The following LHFPL3 variants were observed in gnomAD, a reference collection of about 807,000 sequenced individuals.
LHFPL3 encodes the protein LHFPL tetraspan subfamily member 3 protein.
Under a neutral mutation model 19.3 loss-of-function variants are expected in LHFPL3, and 5 were observed. The ratio of observed to expected loss-of-function variants is 0.26; its 90% CI spans 0.14 to 0.54. LHFPL3 has a LOEUF of 0.54. Among genes scored for constraint, LHFPL3 ranks in the 20% least tolerant of loss-of-function variants. The pLI is 0.94. For missense variants in LHFPL3, 249 were observed against 307.4 expected, an observed-to-expected ratio of 0.81 and a Z score of 1.42; for synonymous variants, 133 against 126.2, an observed-to-expected ratio of 1.05 and a Z score of -0.36.
intron 2 of LHFPL3, among the ~76,000 whole-genome samples, chr7:104,888,328 G>A (rs1792187379): frequency 6.6e-6 from 1 of 152,034 alleles, no homozygotes; most frequent in South Asian, 2.1e-4. Flanking sequence ...CCAGGAGTTT[G>A]GAAACCAGCC....
intron 1 of LHFPL3, among the ~76,000 whole-genome samples, chr7:104,711,033 T>C (rs1484664470): frequency 1.3e-5 from 2 of 152,204 alleles, no homozygotes; most frequent in Non-Finnish European, 2.9e-5. Context: ...TTTAGAGCTA[T>C]GAAGTTTGAA....
intron 2 of LHFPL3, among the ~76,000 whole-genome samples, chr7:104,882,270 T>G (rs1439579748): frequency 6.6e-6 from 1 of 152,162 alleles, no homozygotes; most frequent in Non-Finnish European, 1.5e-5. Context: ...TATTTAGAGA[T>G]GGAGTCTCAC....
chr7:104,626,476 G>A (rs1244631534), intron 1 of LHFPL3, among the ~76,000 whole-genome samples: 1 of 152,100 alleles, frequency 6.6e-6, no homozygotes, highest in Non-Finnish European at 1.5e-5. Flanking sequence ...TAGCAACCTG[G>A]AGTCTCCAAT....
chr7:104,848,851 C>CTAGT (rs1440517562), intron 2 of LHFPL3, among the ~76,000 whole-genome samples: 11 of 151,960 alleles, frequency 7.2e-5, no homozygotes, highest in African/African-American at 2.7e-4. Flanking sequence ...AGCTGGCTTC[C>CTAGT]TAGTTAGCCA....
chr7:104,633,177 T>G lies in LHFPL3; in HGVS notation c.446-103498T>G, dbSNP rs191229986. 5.0e-3 allele frequency among the ~76,000 whole-genome samples: 756 copies of G among 152,348 alleles called. 19 individuals carry two copies. Among genetic ancestry groups the G allele is most frequent in the Admixed American group, 0.042 (640 of 15,302 alleles). On this transcript the variant is annotated intron_variant, in intron 1 of 2. Transcript: ENST00000424859. The stretch of plus-strand genomic sequence containing the variant: ...GGCTAAGGCTTCTATTTTCGTCATC[T>G]GCAAGTTATTCAGTTTCTCAATGTC...
At chr7:104,800,054 G>C (rs1206004560) in intron 2 of LHFPL3, 1 of 152,556 alleles carries the variant, frequency 6.6e-6, no homozygotes, top group Non-Finnish European at 1.5e-5. Flanking sequence ...TTGGTCCTTT[G>C]GTGCTGAAAT....
At chr7:104,623,451 G>A (rs1165298227) in intron 1 of LHFPL3, among the ~76,000 whole-genome samples, 2 of 139,556 alleles carry the variant, frequency 1.4e-5, no homozygotes, top group Non-Finnish European at 3.2e-5. Context: ...CCAACATGGC[G>A]AAACCCTGTC....
chr7:104,346,325 T>A (rs933180334), intron 1 of LHFPL3, among the ~76,000 whole-genome samples: 2 of 151,664 alleles, frequency 1.3e-5, no homozygotes, highest in East Asian at 3.9e-4. Flanking sequence ...TTAAGTGTTC[T>A]AGTTATCAGG....
At chr7:104,589,453 T>G (rs1274080394) in intron 1 of LHFPL3, among the ~76,000 whole-genome samples, 1 of 152,166 alleles carries the variant, frequency 6.6e-6, no homozygotes, top group African/African-American at 2.4e-5. Context: ...TGCATCCCAG[T>G]GATGAAACCA....
At chr7:104,681,621 C>CAA (rs57083271) in intron 1 of LHFPL3, among the ~76,000 whole-genome samples, 60 of 144,012 alleles carry the variant, frequency 4.2e-4, no homozygotes, top group East Asian at 6.0e-4. Flanking sequence ...GACTAAGGCT[C>CAA]AAAAAAAAAA....
At chr7:104,448,839 A>C (rs1792379181) in intron 1 of LHFPL3, among the ~76,000 whole-genome samples, 1 of 152,188 alleles carries the variant, frequency 6.6e-6, no homozygotes, top group Non-Finnish European at 1.5e-5. Context: ...AAAAATGTTT[A>C]CTTGATCATT....
At chr7:104,673,938 C>T (rs1792536003) in intron 1 of LHFPL3, among the ~76,000 whole-genome samples, 2 of 152,048 alleles carry the variant, frequency 1.3e-5, no homozygotes, top group African/African-American at 4.8e-5. Context: ...ACTGCTTGAC[C>T]CATTTAAGAA....
intron 2 of LHFPL3, among the ~76,000 whole-genome samples, chr7:104,886,974 G>C (rs1792161976): frequency 6.6e-6 from 1 of 152,184 alleles, no homozygotes; most frequent in Non-Finnish European, 1.5e-5. Flanking sequence ...TTCACAAAGA[G>C]GCTCACTTGC....
At chr7:104,504,601 G>T (rs866929989) in intron 1 of LHFPL3, among the ~76,000 whole-genome samples, 3 of 152,188 alleles carry the variant, frequency 2.0e-5, no homozygotes, top group Non-Finnish European at 4.4e-5. Context: ...TCTGGGTTAT[G>T]AATATTTAAT....
chr7:104,447,645 G>A (rs1268165775), intron 1 of LHFPL3, among the ~76,000 whole-genome samples: 1 of 152,030 alleles, frequency 6.6e-6, no homozygotes, highest in Non-Finnish European at 1.5e-5. Context: ...ACTGCCATTT[G>A]TTCTGGGAAC....
chr7:104,737,668 A>C (rs1793854765), intron 2 of LHFPL3, among the ~76,000 whole-genome samples: 1 of 152,210 alleles, frequency 6.6e-6, no homozygotes, highest in Non-Finnish European at 1.5e-5. Flanking sequence ...TTTTTGGGAT[A>C]GAATTTTGGT....
intron 2 of LHFPL3, chr7:104,845,530 C>A (rs552583091): frequency 1.5e-4 from 209 of 1,395,094 alleles, no homozygotes; most frequent in Non-Finnish European, 1.8e-4. Context: ...CCGCTTTCAG[C>A]GCTTAGCACT....
chr7:104,546,993 T>C lies in LHFPL3; in HGVS notation c.446-189682T>C, dbSNP rs1266588268. On this transcript the variant is annotated intron_variant, in intron 1 of 2. Transcript: ENST00000424859. Reference sequence around the variant, plus strand: ...GGCTCACGCCTGTAATCCCAGCACTTTGGGAGGCCGAGGCGGGTGGATCAT... The same window carrying C: ...GGCTCACGCCTGTAATCCCAGCACTCTGGGAGGCCGAGGCGGGTGGATCAT... Among the ~76,000 whole-genome samples the C allele has an allele frequency of 3.4e-4, 9 of 26,094 alleles. 4 individuals are homozygous for C. Among genetic ancestry groups the C allele is most frequent in the Non-Finnish European group, 6.9e-4 (7 of 10,174 alleles). 17.1% of individuals were successfully genotyped at this position (26,094 alleles called of 152,430 possible). A position where few individuals can be genotyped will look rare whatever the true frequency, so the allele number is the denominator to read the frequency against.
intron 1 of LHFPL3, among the ~76,000 whole-genome samples, chr7:104,486,817 C>T (rs903825435): frequency 1.3e-5 from 2 of 151,910 alleles, no homozygotes; most frequent in Non-Finnish European, 1.5e-5. Context: ...AGTTGTTTTT[C>T]CCTAACTTCA....
Sources: allele counts gnomAD v4.1 joint callset (sites outside exome capture counted in the v4.1 genomes callset), GRCh38; gene constraint gnomAD v4.1.1; transcripts MANE v1.5; gene names NCBI Gene and HGNC (gene_info 2026-07-23, HGNC 2026-07-21).